Variants in PCDH15 observed in about 807,000 individuals in gnomAD.
The protein encoded by PCDH15 is protocadherin-15.
Under a neutral mutation model 178.5 loss-of-function variants are expected in PCDH15, and 129 were observed. The ratio of observed to expected loss-of-function variants is 0.72; its 90% CI spans 0.63 to 0.84. The LOEUF (loss-of-function observed/expected upper bound fraction) is 0.84. Among genes scored for constraint, PCDH15 ranks in the 40% least tolerant of loss-of-function variants. PCDH15 has a pLI of 0.00. For synonymous variants in PCDH15, 800 were observed against 732.0 expected, an observed-to-expected ratio of 1.09 and a Z score of -1.50; for missense variants, 2,230 against 2,099.9, an observed-to-expected ratio of 1.06 and a Z score of -1.21.
chr10:53,953,119 C>CA (rs2087248047), intron 23 of PCDH15, among the ~76,000 whole-genome samples: 1 of 152,252 alleles, frequency 6.6e-6, no homozygotes, highest in African/African-American at 2.4e-5. Flanking sequence ...TGCATAGCCC[C>CA]AGCTGTGTTT....
chr10:54,831,926 A>G (rs1476327793), intron 3 of PCDH15, among the ~76,000 whole-genome samples: 1 of 152,170 alleles, frequency 6.6e-6, no homozygotes, highest in Non-Finnish European at 1.5e-5. Context: ...AAAAATAAAA[A>G]TAAAATAATA....
intron 2 of PCDH15, among the ~76,000 whole-genome samples, chr10:54,635,021 A>G (rs187292684): frequency 1.3e-5 from 2 of 151,900 alleles, no homozygotes; most frequent in East Asian, 3.9e-4. Context: ...CCATAAACTC[A>G]TCATTGATGT....
intron 1 of PCDH15, among the ~76,000 whole-genome samples, chr10:55,230,065 A>G (rs1052086065): frequency 2.6e-5 from 4 of 152,074 alleles, no homozygotes; most frequent in Non-Finnish European, 4.4e-5. Flanking sequence ...GCCTGTCCCT[A>G]TAGCATAGTG....
chr10:54,062,926 A>G (rs1006440323), intron 18 of PCDH15, among the ~76,000 whole-genome samples: 2 of 152,240 alleles, frequency 1.3e-5, no homozygotes, highest in Admixed American at 6.5e-5. Context: ...ATTTTTGTAA[A>G]TAATTTCAAT....
chr10:55,606,519 A>T (rs1184987712), intron 2 of PCDH15, among the ~76,000 whole-genome samples: 1 of 146,248 alleles, frequency 6.8e-6, no homozygotes, highest in South Asian at 2.2e-4. Flanking sequence ...ACAGTAACCA[A>T]AACAGCATGG....
At chr10:54,506,727 A>C (rs1269038121) in intron 3 of PCDH15, among the ~76,000 whole-genome samples, 2 of 152,196 alleles carry the variant, frequency 1.3e-5, no homozygotes, top group East Asian at 3.9e-4. Flanking sequence ...CAGTAAGGTG[A>C]ATGTAAGAAA....
intron 1 of PCDH15, among the ~76,000 whole-genome samples, chr10:55,220,564 A>T (rs1011674992): frequency 6.6e-6 from 1 of 152,076 alleles, no homozygotes; most frequent in Non-Finnish European, 1.5e-5. Flanking sequence ...TGTGGTAAAG[A>T]CTATATTTCT....
chr10:54,228,268 G>A (rs2053670022), intron 9 of PCDH15, among the ~76,000 whole-genome samples: 1 of 152,106 alleles, frequency 6.6e-6, no homozygotes, highest in African/African-American at 2.4e-5. Context: ...ATGGTGGAAG[G>A]CAAGGAGGAG....
At chr10:54,270,818 T>C (rs557213663) in intron 8 of PCDH15, among the ~76,000 whole-genome samples, 85 of 152,176 alleles carry the variant, frequency 5.6e-4, no homozygotes, top group Non-Finnish European at 1.0e-3. Flanking sequence ...ACTTGGGCTA[T>C]AACGTTGATA....
At chr10:54,154,233 C>G (rs1385842632) in intron 13 of PCDH15, among the ~76,000 whole-genome samples, 1 of 151,880 alleles carries the variant, frequency 6.6e-6, no homozygotes, top group Non-Finnish European at 1.5e-5. Flanking sequence ...TTATAGTAAG[C>G]ATTTTACATA....
At chr10:54,066,731 A>T in intron 18 of PCDH15, 26 bp downstream of exon 18, 1 of 1,607,010 alleles carries the variant, frequency 6.2e-7, no homozygotes, top group Non-Finnish European at 8.5e-7. Context: ...AACTACATAT[A>T]AGATCTATAT....
chr10:53,859,393 A>G (rs2078959877), intron 27 of PCDH15, among the ~76,000 whole-genome samples: 1 of 152,158 alleles, frequency 6.6e-6, no homozygotes, highest in African/African-American at 2.4e-5. Flanking sequence ...AGTAGGAGAA[A>G]TAACTCTTTA....
intron 27 of PCDH15, among the ~76,000 whole-genome samples, chr10:53,857,817 T>C (rs143700904): frequency 2.0e-5 from 3 of 152,082 alleles, no homozygotes; most frequent in Non-Finnish European, 4.4e-5. Flanking sequence ...TAATGGCTGT[T>C]GATAACTATG....
chr10:54,316,947 A>G (rs1263290664), intron 8 of PCDH15, among the ~76,000 whole-genome samples: 3 of 152,160 alleles, frequency 2.0e-5, no homozygotes, highest in Non-Finnish European at 4.4e-5. Flanking sequence ...TTAAATATGA[A>G]TTTAAGAAAA....
chr10:54,032,896 G>C (rs1366965088), intron 18 of PCDH15, among the ~76,000 whole-genome samples: 1 of 151,830 alleles, frequency 6.6e-6, no homozygotes, highest in Non-Finnish European at 1.5e-5. Flanking sequence ...TCTTTACCTG[G>C]TGACAGAAAA....
intron 10 of PCDH15, among the ~76,000 whole-genome samples, chr10:54,209,543 G>A (rs1237366976): frequency 1.3e-5 from 2 of 151,968 alleles, no homozygotes; most frequent in African/African-American, 4.8e-5. Context: ...ACTAAAATAT[G>A]ATTAACTGAA....
chr10:54,909,125 T>A (rs1417301076), intron 2 of PCDH15, among the ~76,000 whole-genome samples: 2 of 152,020 alleles, frequency 1.3e-5, no homozygotes, highest in African/African-American at 4.8e-5. Flanking sequence ...AAGGAGAAAA[T>A]GTGTGCTGAT....
At chr10:54,895,696 C>T (rs1954533407) in intron 3 of PCDH15, among the ~76,000 whole-genome samples, 1 of 152,068 alleles carries the variant, frequency 6.6e-6, no homozygotes, top group Admixed American at 6.6e-5. Flanking sequence ...TGCAATTTGT[C>T]TTTCTGTTTT....
intron 3 of PCDH15, among the ~76,000 whole-genome samples, chr10:54,498,100 G>A (rs2080305727): frequency 6.6e-6 from 1 of 152,088 alleles, no homozygotes; most frequent in East Asian, 1.9e-4. Context: ...TAGGCTAACA[G>A]TGGACATTTC....
Sources: allele counts gnomAD v4.1 joint callset (sites outside exome capture counted in the v4.1 genomes callset), GRCh38; gene constraint gnomAD v4.1.1; transcripts MANE v1.5; gene names NCBI Gene and HGNC (gene_info 2026-07-23, HGNC 2026-07-21).